CTNNA3: variants seen among roughly 807,000 people sequenced by gnomAD.
The protein encoded by CTNNA3 is catenin alpha-3.
A neutral mutation model predicts 95.7 loss-of-function variants in CTNNA3; 76 were observed. The ratio of observed to expected loss-of-function variants is 0.79; its 90% CI spans 0.66 to 0.96. The LOEUF (loss-of-function observed/expected upper bound fraction) is 0.96. Ranked by LOEUF, CTNNA3 falls within the 40% of genes least tolerant of loss-of-function variation. The pLI is 0.00. For synonymous variants in CTNNA3, 431 were observed against 374.4 expected (o/e 1.15, Z -1.74); for missense variants, 1,191 against 1,089.8 (o/e 1.09, Z -1.31).
intron 16 of CTNNA3, among the ~76,000 whole-genome samples, chr10:65,984,774 C>T (rs2133313116): frequency 6.6e-6 from 1 of 151,244 alleles, no homozygotes; most frequent in South Asian, 2.1e-4. Flanking sequence ...AGGAAGCATT[C>T]AGTATTTAAA....
chr10:67,193,131 T>C (rs1298041598), intron 6 of CTNNA3, among the ~76,000 whole-genome samples: 4 of 152,058 alleles, frequency 2.6e-5, no homozygotes, highest in African/African-American at 7.2e-5. Flanking sequence ...TGGGGAGATG[T>C]TGACCAGTGG....
intron 7 of CTNNA3, chr10:66,926,854 T>C: frequency 7.2e-7 from 1 of 1,382,338 alleles, no homozygotes; most frequent in African/African-American, 1.5e-5. Flanking sequence ...TATATGCCTA[T>C]TTTTGCTTGA....
chr10:66,208,834 A>T (rs1252780208), intron 13 of CTNNA3, among the ~76,000 whole-genome samples: 1 of 152,008 alleles, frequency 6.6e-6, no homozygotes, highest in Non-Finnish European at 1.5e-5. Context: ...TGTTTTAATA[A>T]CATGAGGATT....
chr10:67,441,298 T>C (rs1846504480), intron 5 of CTNNA3, among the ~76,000 whole-genome samples: 2 of 150,096 alleles, frequency 1.3e-5, no homozygotes, highest in Non-Finnish European at 3.0e-5. Context: ...CAATGTAGCA[T>C]GCCTTCAAGA....
At chr10:67,388,029 C>T (rs960281963) in intron 5 of CTNNA3, among the ~76,000 whole-genome samples, 17 of 151,932 alleles carry the variant, frequency 1.1e-4, no homozygotes, top group Middle Eastern at 6.8e-3. Flanking sequence ...GAACACAGTT[C>T]CTCACCAGCA....
intron 10 of CTNNA3, among the ~76,000 whole-genome samples, chr10:66,618,950 A>G (rs1450828440): frequency 6.6e-6 from 1 of 152,214 alleles, no homozygotes; most frequent in Non-Finnish European, 1.5e-5. Flanking sequence ...GCCAACAGAC[A>G]CATGAAAAAA....
At chr10:66,813,306 C>T (rs1841952696) in intron 7 of CTNNA3, among the ~76,000 whole-genome samples, 1 of 152,114 alleles carries the variant, frequency 6.6e-6, no homozygotes, top group African/African-American at 2.4e-5. Flanking sequence ...ATAAAACATA[C>T]AAGTGTCTTT....
intron 5 of CTNNA3, among the ~76,000 whole-genome samples, chr10:67,251,120 T>C (rs1866091454): frequency 6.6e-6 from 1 of 152,002 alleles, no homozygotes; most frequent in African/African-American, 2.4e-5. Context: ...CAAAATAGAG[T>C]ATATCCACAA....
At chr10:66,901,025 G>C (rs1168417573) in intron 7 of CTNNA3, among the ~76,000 whole-genome samples, 1 of 152,104 alleles carries the variant, frequency 6.6e-6, no homozygotes, top group Non-Finnish European at 1.5e-5. Flanking sequence ...GAAATACAGA[G>C]AACACCACAA....
chr10:66,073,952 AT>A (rs1241691577), intron 14 of CTNNA3, among the ~76,000 whole-genome samples: 3 of 152,060 alleles, frequency 2.0e-5, no homozygotes, highest in African/African-American at 7.2e-5. Context: ...CTACACTCAT[AT>A]CAAGAAACCT....
intron 7 of CTNNA3, among the ~76,000 whole-genome samples, chr10:66,937,278 A>G (rs1303566123): frequency 6.6e-6 from 1 of 152,166 alleles, no homozygotes; most frequent in Non-Finnish European, 1.5e-5. Context: ...AAAACAATGT[A>G]GTTATCATGG....
At chr10:66,798,525 G>A (rs995039988) in intron 7 of CTNNA3, among the ~76,000 whole-genome samples, 1 of 151,538 alleles carries the variant, frequency 6.6e-6, no homozygotes, top group Non-Finnish European at 1.5e-5. Context: ...CACTATTTTA[G>A]TTAGGTAAAT....
At chr10:67,662,238 A>G (rs1840210145) in intron 1 of CTNNA3, among the ~76,000 whole-genome samples, 1 of 152,204 alleles carries the variant, frequency 6.6e-6, no homozygotes, top group Non-Finnish European at 1.5e-5. Flanking sequence ...AATAAAGTTT[A>G]TAAATTAGGC....
At chr10:65,921,207 C>T (rs1031914181) in intron 17 of CTNNA3, among the ~76,000 whole-genome samples, 3 of 152,130 alleles carry the variant, frequency 2.0e-5, no homozygotes, top group Non-Finnish European at 4.4e-5. Flanking sequence ...CCATTTACTA[C>T]AAAAAGGTGG....
At chr10:67,411,787 CAACT>C (rs1392738829) in intron 5 of CTNNA3, among the ~76,000 whole-genome samples, 2 of 151,948 alleles carry the variant, frequency 1.3e-5, no homozygotes, top group African/African-American at 2.4e-5. Flanking sequence ...TTTGACTTTC[CAACT>C]AACATCAAAC....
intron 11 of CTNNA3, among the ~76,000 whole-genome samples, chr10:66,515,300 T>TCTATCTAA (rs1267150090): frequency 6.6e-6 from 1 of 151,066 alleles, no homozygotes; most frequent in East Asian, 1.9e-4. Context: ...TATCTATCTA[T>TCTATCTAA]CTATATGGAA....
Position 66,069,981 on chromosome 10 carries a change from TA to T in CTNNA3, c.1978-493del, listed in dbSNP as rs532399563. 2.6e-3 allele frequency among the ~76,000 whole-genome samples: 389 copies of T among 152,278 alleles called. 6 individuals carry two copies. Among genetic ancestry groups the T allele is most frequent in the African/African-American group, 9.0e-3 (376 of 41,564 alleles). The stretch of plus-strand genomic sequence containing the variant: ...AATAAAGAAAAAACAATGATGCTTT[TA>T]GTTTGAATTTTCTGTAAATATCTCA... On this transcript the variant is annotated intron_variant, in intron 14 of 17. Coordinates refer to ENST00000433211, the MANE Select transcript of CTNNA3 (RefSeq NM_013266.4).
At chr10:67,005,083 C>T (rs1300847952) in intron 7 of CTNNA3, among the ~76,000 whole-genome samples, 1 of 152,170 alleles carries the variant, frequency 6.6e-6, no homozygotes, top group Non-Finnish European at 1.5e-5. Flanking sequence ...CTACAAGCTC[C>T]TTTTCCTATG....
intron 7 of CTNNA3, among the ~76,000 whole-genome samples, chr10:66,814,756 T>C (rs546352654): frequency 5.9e-5 from 9 of 152,086 alleles, no homozygotes; most frequent in Admixed American, 2.6e-4. Context: ...AGAGAGACTC[T>C]ATCTCAAATT....
Sources: allele counts gnomAD v4.1 joint callset (sites outside exome capture counted in the v4.1 genomes callset), GRCh38; gene constraint gnomAD v4.1.1; transcripts MANE v1.5; gene names NCBI Gene and HGNC (gene_info 2026-07-23, HGNC 2026-07-21).